The following PCDH15 variants were observed in gnomAD, a reference collection of about 807,000 sequenced individuals.
PCDH15 encodes protocadherin-15.
Under a neutral mutation model 178.5 loss-of-function variants are expected in PCDH15, and 129 were observed. That is an observed-to-expected ratio of 0.72 (90% CI 0.63 to 0.84). The LOEUF is 0.84. Among genes scored for constraint, PCDH15 ranks in the 40% least tolerant of loss-of-function variants. PCDH15 has a pLI of 0.00. For missense variants in PCDH15, 2,230 were observed against 2,099.9 expected, an observed-to-expected ratio of 1.06 and a Z score of -1.21; for synonymous variants, 800 against 732.0, an observed-to-expected ratio of 1.09 and a Z score of -1.50.
intron 25 of PCDH15, among the ~76,000 whole-genome samples, chr10:53,929,141 T>G (rs1394580107): frequency 6.6e-6 from 1 of 151,982 alleles, no homozygotes; most frequent in Non-Finnish European, 1.5e-5. Context: ...GCAAACCAAT[T>G]TGGGATCAAT....
At chr10:54,131,860 A>C (rs2042464173) in intron 15 of PCDH15, among the ~76,000 whole-genome samples, 1 of 152,222 alleles carries the variant, frequency 6.6e-6, no homozygotes, top group Admixed American at 6.5e-5. Flanking sequence ...CATCATTTTC[A>C]ATACAAACAT....
At chr10:53,917,051 A>G (rs998448643) in intron 25 of PCDH15, among the ~76,000 whole-genome samples, 1 of 152,300 alleles carries the variant, frequency 6.6e-6, no homozygotes, top group Non-Finnish European at 1.5e-5. Context: ...CAAATAATGT[A>G]GTGGAAAATA....
chr10:54,744,386 A>G (rs1013209959), intron 1 of PCDH15, among the ~76,000 whole-genome samples: 1 of 152,160 alleles, frequency 6.6e-6, no homozygotes, highest in Non-Finnish European at 1.5e-5. Context: ...ATCCAGTAAG[A>G]TTTTGAATAA....
At chr10:55,177,194 A>G (rs1007283384) in intron 1 of PCDH15, among the ~76,000 whole-genome samples, 5 of 152,164 alleles carry the variant, frequency 3.3e-5, no homozygotes, top group Admixed American at 6.5e-5. Flanking sequence ...TCTTCAAGCA[A>G]CTGAGGGGAT....
chr10:55,491,703 T>C (rs1256788008), intron 2 of PCDH15, among the ~76,000 whole-genome samples: 1 of 150,360 alleles, frequency 6.7e-6, no homozygotes, highest in Admixed American at 6.7e-5. Flanking sequence ...CATGGAGCTC[T>C]TCAAATTCTG....
intron 1 of PCDH15, among the ~76,000 whole-genome samples, chr10:54,764,693 A>G (rs905073869): frequency 1.3e-5 from 2 of 152,098 alleles, no homozygotes; most frequent in South Asian, 2.1e-4. Flanking sequence ...TCTGAGTAAG[A>G]GGTAAGCATG....
At chr10:55,234,164 A>T (rs1278464924) in intron 1 of PCDH15, among the ~76,000 whole-genome samples, 2 of 152,080 alleles carry the variant, frequency 1.3e-5, no homozygotes, top group Admixed American at 1.3e-4. Context: ...TGAATGAAAG[A>T]GCTCTGAGTT....
At chr10:54,160,012 CTT>C (rs2045551637) in intron 13 of PCDH15, among the ~76,000 whole-genome samples, 1 of 152,026 alleles carries the variant, frequency 6.6e-6, no homozygotes, top group South Asian at 2.1e-4. Flanking sequence ...CATAGCTTCT[CTT>C]TGATATATAT....
At chr10:54,506,362 A>C (rs2081166169) in intron 3 of PCDH15, among the ~76,000 whole-genome samples, 1 of 152,086 alleles carries the variant, frequency 6.6e-6, no homozygotes, top group South Asian at 2.1e-4. Context: ...GTGAATACTA[A>C]GGACTAAAAA....
chr10:53,820,545 A>G (rs1433554333), intron 32 of PCDH15, among the ~76,000 whole-genome samples: 1 of 152,038 alleles, frequency 6.6e-6, no homozygotes, highest in Non-Finnish European at 1.5e-5. Flanking sequence ...ATGCAAACTT[A>G]TATCTTCTAA....
At chr10:55,517,281 A>C (rs2132159106) in intron 2 of PCDH15, among the ~76,000 whole-genome samples, 1 of 152,222 alleles carries the variant, frequency 6.6e-6, no homozygotes, top group Admixed American at 6.6e-5. Context: ...TTCCAGAAAA[A>C]CCAGGATGTA....
chr10:55,302,762 A>T (rs1405818706), intron 1 of PCDH15, among the ~76,000 whole-genome samples: 1 of 152,150 alleles, frequency 6.6e-6, no homozygotes, highest in South Asian at 2.1e-4. Context: ...AGTTTATTTA[A>T]ATATAAAATT....
chr10:54,811,332 T>C (rs60673881), intron 3 of PCDH15, among the ~76,000 whole-genome samples: 352 of 152,280 alleles, frequency 2.3e-3, no homozygotes, highest in South Asian at 6.2e-3. Context: ...GATGCGGTGT[T>C]TGATATAGTT....
At chr10:53,922,751 T>G (rs1238291475) in intron 25 of PCDH15, among the ~76,000 whole-genome samples, 1 of 152,198 alleles carries the variant, frequency 6.6e-6, no homozygotes, top group South Asian at 2.1e-4. Context: ...ACTGAACCAC[T>G]AAACTGGTTA....
intron 2 of PCDH15, among the ~76,000 whole-genome samples, chr10:55,076,509 T>G (rs1477891021): frequency 1.3e-5 from 2 of 151,598 alleles, no homozygotes; most frequent in African/African-American, 4.8e-5. Flanking sequence ...TGTAGTGAAG[T>G]GGTGCGATCT....
chr10:53,921,380 C>T (rs1489794348), intron 25 of PCDH15, among the ~76,000 whole-genome samples: 4 of 107,928 alleles, frequency 3.7e-5, no homozygotes, highest in African/African-American at 1.3e-4. Context: ...ACATTTCAGC[C>T]CTAATATGAC....
chr10:55,191,665 A>T (rs1304877771), intron 1 of PCDH15, among the ~76,000 whole-genome samples: 3 of 151,936 alleles, frequency 2.0e-5, no homozygotes, highest in Middle Eastern at 3.2e-3. Context: ...ATTGTTCCAT[A>T]ATCAGTTGAT....
chr10:54,507,342 A>G (rs1389997310), intron 3 of PCDH15, among the ~76,000 whole-genome samples: 1 of 151,418 alleles, frequency 6.6e-6, no homozygotes, highest in Non-Finnish European at 1.5e-5. Flanking sequence ...TTATACAAAA[A>G]TATACATGCT....
chr10:53,932,370 A>T (rs2085136523), intron 25 of PCDH15, among the ~76,000 whole-genome samples: 1 of 152,198 alleles, frequency 6.6e-6, no homozygotes, highest in Non-Finnish European at 1.5e-5. Context: ...ATACTTATAG[A>T]AGCACAGACC....
Sources: allele counts gnomAD v4.1 joint callset (sites outside exome capture counted in the v4.1 genomes callset), GRCh38; gene constraint gnomAD v4.1.1; transcripts MANE v1.5; gene names NCBI Gene and HGNC (gene_info 2026-07-23, HGNC 2026-07-21).